SI: variants seen among roughly 807,000 people sequenced by gnomAD.
The protein encoded by SI is sucrase-isomaltase, also known as sucrase-isomaltase, intestinal.
SI carries 235 observed loss-of-function variants against 253.3 expected under a neutral mutation model. The ratio of observed to expected loss-of-function variants is 0.93; its 90% confidence interval spans 0.83 to 1.03. The LOEUF (loss-of-function observed/expected upper bound fraction) is 1.03. Ranked by LOEUF, SI falls within the 50% of genes least tolerant of loss-of-function variation. The pLI, the probability that SI is intolerant of heterozygous loss-of-function variation, is 0.00. For missense variants in SI, 2,442 were observed against 2,211.1 expected (o/e 1.10, Z -2.09); for synonymous variants, 819 against 712.0 (o/e 1.15, Z -2.39).
chr3:165,061,851 T>G lies in SI; in HGVS notation c.1020+520A>C, dbSNP rs1251271539. On this transcript the variant is annotated intron_variant, in intron 9 of 47. Transcript: ENST00000264382. ...GAGTTGCTTAGATAGTAACTGGAGATGTAAAGTTTCAGGCTAGGTTTCAAA... is the reference window on the plus strand; with the variant it reads ...GAGTTGCTTAGATAGTAACTGGAGAGGTAAAGTTTCAGGCTAGGTTTCAAA... Among the ~76,000 whole-genome samples the G allele has an allele frequency of 2.0e-5, 3 of 151,980 alleles. No homozygotes were observed. The South Asian group carries it at 6.2e-4, about 31-fold the overall frequency.
In SI at chr3:165,046,966, G is replaced by A. The variant is rs201583834; in HGVS notation, c.1762C>T (p.Arg588Cys). The change falls in exon 16 of 48, where the codon CGC becomes TGC. Residue 588 changes from arginine (R) to cysteine (C), a missense_variant. By Grantham distance (180) the Arg-to-Cys change is radical (BLOSUM62 -3). Transcript: ENST00000264382. ...CTTCCAGATCCAGCAAATGTTGAGC[G>A]GGTAAGAATGAAGCTTCTCTTATTA... ...FPNKRSFILT[R>C]STFAGSGRHA... 3.0e-5 allele frequency: 49 copies of A among 1,611,280 alleles called. No individual in the cohort carries two copies. The highest frequency in any genetic ancestry group is 3.7e-5 in the Non-Finnish European group (44 of 1,178,812).
rs1267123295 is a variant in SI at position 165,021,419 on chromosome 3, T to C, written c.3100-36A>G. On this transcript the variant is annotated intron_variant, in intron 26 of 47. Transcript: ENST00000264382. ...TAAGTAGTAAAAAAGTTTATTCTGA[T>C]TGCTGACATAGCATGTACATATCAT... is the stretch of plus-strand genomic sequence containing the variant. 7 of 1,518,444 alleles carry C rather than the reference T, an allele frequency of 4.6e-6. No homozygotes were observed. The South Asian group carries it at 5.6e-5, about 12-fold the overall frequency. The allele number at this position is 1,518,444 out of a possible 1,614,324, so 94.1% of individuals were successfully genotyped here. A position where few individuals can be genotyped will look rare whatever the true frequency, so the allele number is the denominator to read the frequency against.
rs904459508 is a variant in SI at position 164,998,456 on chromosome 3, A to T, written c.4540+84T>A. The T allele has an allele frequency of 3.0e-5, 43 of 1,421,218 alleles. 1 individual carries two copies. The Admixed American group carries it at 6.7e-4, about 22-fold the overall frequency. 88.0% of individuals were successfully genotyped at this position (1,421,218 alleles called of 1,614,324 possible). On this transcript the variant is annotated intron_variant, in intron 38 of 47. Transcript: ENST00000264382. ...GTGAAGAACAAAATTCTGAGGACTT[A>T]TAAATGTTATGACCTAGCACCAGCA...
At chr3:165,081,429 TTGTCTC>T (rs1384051930), upstream of SI, among the ~76,000 whole-genome samples, 2 of 151,926 alleles carry the variant, frequency 1.3e-5, no homozygotes, top group African/African-American at 4.8e-5. Context: ...ATTATGTACT[TTGTCTC>T]TGAAATGTGC....
chr3:165,061,627 G>C, intron 9 of SI, among the ~76,000 whole-genome samples: 1 of 151,708 alleles, frequency 6.6e-6, no homozygotes, highest in East Asian at 1.9e-4. Context: ...TTTTAAAATA[G>C]GCATAATCTT....
intron 45 of SI, among the ~76,000 whole-genome samples, chr3:164,985,566 A>T (rs2108114196): frequency 6.6e-6 from 1 of 152,308 alleles, no homozygotes; most frequent in Non-Finnish European, 1.5e-5. Flanking sequence ...GTTGCAGAAT[A>T]TTAACTATGA....
chr3:164,999,110 A>G (rs987842346), intron 37 of SI, among the ~76,000 whole-genome samples: 1 of 151,822 alleles, frequency 6.6e-6, no homozygotes, highest in Non-Finnish European at 1.5e-5. Flanking sequence ...AATGCCTACT[A>G]TCATACTCTT....
In SI at chr3:165,045,172, T is replaced by G. The variant is rs151158147; in HGVS notation, c.1887+1669A>C. On this transcript the variant is annotated intron_variant, in intron 16 of 47. Transcript: ENST00000264382. ...TTCTCTACTTCTTTAAAATGTATTG[T>G]TTTCCATATGAAGTTTAGAGTCACC... Among the ~76,000 whole-genome samples the G allele has an allele frequency of 1.8e-4, 28 of 152,212 alleles. 1 individual carries two copies. The East Asian group carries it at 2.5e-3, about 14-fold the overall frequency.
At chr3:165,053,242 C>T (rs890830007) in intron 13 of SI, among the ~76,000 whole-genome samples, 5 of 151,940 alleles carry the variant, frequency 3.3e-5, no homozygotes, top group Admixed American at 2.0e-4. Flanking sequence ...GACAATTAAG[C>T]TCACATCATT....
chr3:165,075,750 A>G (rs1358086441), intron 2 of SI, 145 bp downstream of exon 2: 1 of 564,972 alleles, frequency 1.8e-6, no homozygotes, highest in African/African-American at 1.9e-5. Flanking sequence ...GAATAGAAAA[A>G]GTGGAAGTAA....
chr3:165,020,887 A>G (rs1051359555), intron 27 of SI, among the ~76,000 whole-genome samples: 1 of 151,652 alleles, frequency 6.6e-6, no homozygotes, highest in Non-Finnish European at 1.5e-5. Context: ...TCAATAAAAT[A>G]TTTACTTCAC....
At chr3:165,030,407 G>C (rs2108201772) in intron 25 of SI, among the ~76,000 whole-genome samples, 1 of 151,020 alleles carries the variant, frequency 6.6e-6, no homozygotes, top group South Asian at 2.1e-4. Flanking sequence ...ATCAGCTACA[G>C]TCAACACCAA....
chr3:164,993,532 A>G (rs1325338015), intron 41 of SI, among the ~76,000 whole-genome samples: 3 of 151,736 alleles, frequency 2.0e-5, no homozygotes, highest in African/African-American at 7.2e-5. Context: ...GAAATCTAAC[A>G]AATAATCTCA....
chr3:165,043,678 C>T (rs1041728874), intron 16 of SI, among the ~76,000 whole-genome samples: 1 of 151,956 alleles, frequency 6.6e-6, no homozygotes, highest in Non-Finnish European at 1.5e-5. Flanking sequence ...TATCCTTATT[C>T]AAGGACTCTC....
Position 164,991,588 on chromosome 3 carries a change from A to T in SI, c.4984-111T>A, listed in dbSNP as rs114762900. On this transcript the variant is annotated intron_variant, in intron 43 of 47. Transcript: ENST00000264382. ...AAATCAAATGATACACTTTTAGATT[A>T]AAAAATTCACATTTATTCAGAAAAT... 4.0e-3 allele frequency: 4,625 copies of T among 1,145,066 alleles called. 137 individuals are homozygous for T. In the African/African-American group the frequency reaches 0.063, roughly 16 times the overall value. 70.9% of individuals were successfully genotyped at this position (1,145,066 alleles called of 1,614,324 possible).
At position 165,059,798 on chromosome 3, in the gene SI, G is replaced by A. The variant is rs1024652441; in HGVS notation, c.1146+104C>T. 6.9e-6 allele frequency: 8 copies of A among 1,167,688 alleles called. No homozygotes were observed. In the Admixed American group the frequency reaches 1.4e-4, roughly 21 times the overall value. 72.3% of individuals were successfully genotyped at this position (1,167,688 alleles called of 1,614,324 possible). ...TTAAAAGGCAGCCTCTTAATTATAT[G>A]ATATAATGTATATAGTAGATACTCC... On this transcript the variant is annotated intron_variant, in intron 10 of 47. Coordinates refer to ENST00000264382, the MANE Select transcript of SI (RefSeq NM_001041.4).
In SI at chr3:164,979,385, G is replaced by T; in HGVS notation, c.5461C>A (p.Pro1821Thr). 6 of 1,588,920 alleles carry T rather than the reference G, an allele frequency of 3.8e-6. No homozygotes were observed. The highest frequency in any genetic ancestry group is 2.6e-6 in the Non-Finnish European group (3 of 1,158,716). ...LTTHNVTLEE[P>T]IEINWS is the part of the protein sequence containing the mutation. ...CTTCATGACCAGTTGATTTCTATTG[G>T]TTCTTCTAGAGTAACATTGTGTGTG... The change falls in exon 48 of 48, where the codon CCA (proline) becomes ACA (threonine). Residue 1821 changes from proline (P) to threonine (T), a missense_variant. Coordinates refer to ENST00000264382, the MANE Select transcript of SI (RefSeq NM_001041.4).
intron 12 of SI, 90 bp downstream of exon 12, chr3:165,058,873 C>CACACAG (rs1713834585): frequency 3.9e-6 from 4 of 1,021,516 alleles, no homozygotes; most frequent in African/African-American, 1.6e-5. Context: ...CACACACACA[C>CACACAG]ACACACACAC....
intron 2 of SI, 73 bp from the exon 3 acceptor site, chr3:165,074,740 G>T: frequency 7.8e-7 from 1 of 1,284,648 alleles, no homozygotes; most frequent in Non-Finnish European, 1.1e-6. Context: ...CAAGTAATAA[G>T]TACTTTTTGA....
Sources: gnomAD v4.1 joint callset for allele counts (sites outside exome capture counted in the v4.1 genomes callset) on GRCh38, gnomAD v4.1.1 for gene constraint, MANE v1.5 for transcripts, NCBI Gene and HGNC (gene_info 2026-07-23, HGNC 2026-07-21) for gene names.